EEFSEC: variants seen among roughly 807,000 people sequenced by gnomAD.
The protein encoded by EEFSEC is eukaryotic elongation factor, selenocysteine-tRNA specific.
In EEFSEC, 43 loss-of-function variants were observed where a neutral mutation model predicts 42.1. The observed-to-expected ratio is 1.02, with a 90% CI of 0.80 to 1.32. The LOEUF is 1.32. Ranked by LOEUF, EEFSEC falls within the 40% of genes most tolerant of loss-of-function variation. The pLI, the probability that EEFSEC is intolerant of heterozygous loss-of-function variation, is 0.00. For synonymous variants in EEFSEC, 354 were observed against 339.1 expected (o/e 1.04, Z -0.48); for missense variants, 745 against 803.6 (o/e 0.93, Z 0.88).
downstream of EEFSEC, among the ~76,000 whole-genome samples, chr3:128,412,875 G>A (rs1311808422): frequency 1.3e-5 from 2 of 152,176 alleles, no homozygotes; most frequent in Non-Finnish European, 2.9e-5. Context: ...TGCTCGGGGA[G>A]GTGATGGGGG....
chr3:128,223,090 A>C (rs1468497946), intron 1 of EEFSEC, among the ~76,000 whole-genome samples: 1 of 152,214 alleles, frequency 6.6e-6, no homozygotes, highest in Non-Finnish European at 1.5e-5. Context: ...CTAGTAATTC[A>C]ATCAGTCATA....
intron 4 of EEFSEC, among the ~76,000 whole-genome samples, chr3:128,301,332 A>C (rs1183198851): frequency 6.6e-6 from 1 of 152,130 alleles, no homozygotes; most frequent in Non-Finnish European, 1.5e-5. Context: ...TCCTACCCAT[A>C]TGTAAAAAGG....
intron 4 of EEFSEC, chr3:128,336,980 C>G (rs115929222): frequency 2.0e-5 from 3 of 152,092 alleles, no homozygotes; most frequent in Non-Finnish European, 2.9e-5. Flanking sequence ...AGCTGCGCCC[C>G]GTGGACATTA....
chr3:128,265,460 T>A lies in EEFSEC; in HGVS notation c.786+679T>A, dbSNP rs572559333. The stretch of plus-strand genomic sequence containing the variant: ...CTTATTTAGAAGGCATTTTTAATAG[T>A]TTTACTTTATGCGACAAGAGAAACT... On this transcript the variant is annotated intron_variant, in intron 4 of 6. Transcript: ENST00000254730. Among the ~76,000 whole-genome samples, 29 of 152,308 alleles carry A rather than the reference T, an allele frequency of 1.9e-4. No individual in the cohort carries two copies. The East Asian group carries it at 5.4e-3, about 28-fold the overall frequency.
At chr3:128,353,748 C>G (rs890906933) in intron 5 of EEFSEC, among the ~76,000 whole-genome samples, 1 of 152,214 alleles carries the variant, frequency 6.6e-6, no homozygotes, top group Non-Finnish European at 1.5e-5. Flanking sequence ...TGGATCCAGA[C>G]AGTCTGAGTT....
chr3:128,245,943 G>T (rs2066122332), intron 1 of EEFSEC, among the ~76,000 whole-genome samples: 1 of 152,038 alleles, frequency 6.6e-6, no homozygotes, highest in Non-Finnish European at 1.5e-5. Context: ...ACCATAATCC[G>T]ATCCCGAGAA....
intron 4 of EEFSEC, among the ~76,000 whole-genome samples, chr3:128,340,362 A>G (rs1366220746): frequency 6.7e-6 from 1 of 150,280 alleles, no homozygotes. Context: ...ATTAATGTAG[A>G]TTAATATTAT....
At chr3:128,407,731 G>C (rs570248150) in intron 6 of EEFSEC, among the ~76,000 whole-genome samples, 1 of 152,326 alleles carries the variant, frequency 6.6e-6, no homozygotes, top group African/African-American at 2.4e-5. Context: ...CAATCAGGGA[G>C]TACCCCACCC....
At chr3:128,247,337 G>A (rs1203127387) in intron 2 of EEFSEC, among the ~76,000 whole-genome samples, 2 of 152,234 alleles carry the variant, frequency 1.3e-5, no homozygotes, top group African/African-American at 4.8e-5. Flanking sequence ...TCTGTGCCCA[G>A]TGTGCAAGGC....
chr3:128,352,749 C>T (rs1352284366), intron 5 of EEFSEC, among the ~76,000 whole-genome samples: 1 of 152,252 alleles, frequency 6.6e-6, no homozygotes, highest in Non-Finnish European at 1.5e-5. Flanking sequence ...GCCAGACCAA[C>T]AACAACTGTT....
chr3:128,319,021 C>G (rs2066979211), intron 4 of EEFSEC, among the ~76,000 whole-genome samples: 1 of 152,220 alleles, frequency 6.6e-6, no homozygotes, highest in Non-Finnish European at 1.5e-5. Context: ...CAGGGTGCAA[C>G]ACATGAAGTT....
intron 2 of EEFSEC, among the ~76,000 whole-genome samples, chr3:128,247,510 T>A (rs2066140447): frequency 6.6e-6 from 1 of 152,208 alleles, no homozygotes; most frequent in Non-Finnish European, 1.5e-5. Flanking sequence ...AAGATCAATT[T>A]TGGTAGATGA....
At chr3:128,295,782 A>C (rs2066699168) in intron 4 of EEFSEC, among the ~76,000 whole-genome samples, 2 of 151,714 alleles carry the variant, frequency 1.3e-5, no homozygotes, top group Admixed American at 1.3e-4. Flanking sequence ...CTCCTCATTT[A>C]TGTGAGGGTC....
At chr3:128,171,292 G>GC (rs1375167860) in intron 1 of EEFSEC, among the ~76,000 whole-genome samples, 2 of 152,098 alleles carry the variant, frequency 1.3e-5, no homozygotes, top group Admixed American at 6.5e-5. Flanking sequence ...AAAAATTGCT[G>GC]CTTGCTATCT....
intron 6 of EEFSEC, among the ~76,000 whole-genome samples, chr3:128,376,406 G>A (rs551210466): frequency 1.3e-5 from 2 of 152,236 alleles, no homozygotes; most frequent in South Asian, 4.1e-4. Context: ...CCTTCCCAGG[G>A]CCCCGCAGCA....
intron 1 of EEFSEC, among the ~76,000 whole-genome samples, chr3:128,188,910 G>A (rs1203921418): frequency 6.6e-6 from 1 of 152,200 alleles, no homozygotes; most frequent in Admixed American, 6.5e-5. Flanking sequence ...GGGCTATTGT[G>A]TGCAAAGGAT....
intron 1 of EEFSEC, among the ~76,000 whole-genome samples, chr3:128,160,607 G>T (rs1483779666): frequency 6.6e-6 from 1 of 152,148 alleles, no homozygotes; most frequent in Non-Finnish European, 1.5e-5. Context: ...AGCTGCACCT[G>T]CACCTGGCAT....
intron 4 of EEFSEC, among the ~76,000 whole-genome samples, chr3:128,269,711 G>A (rs1473275535): frequency 2.0e-5 from 3 of 152,204 alleles, no homozygotes; most frequent in Non-Finnish European, 4.4e-5. Context: ...AGCTGAGCAA[G>A]AAAATGTTGG....
chr3:128,352,268 C>G (rs2067396826), intron 5 of EEFSEC, among the ~76,000 whole-genome samples: 1 of 152,242 alleles, frequency 6.6e-6, no homozygotes, highest in South Asian at 2.1e-4. Flanking sequence ...AATGTAGGAG[C>G]TGTCTCCCTC....
Sources: gnomAD v4.1 joint callset for allele counts (sites outside exome capture counted in the v4.1 genomes callset) on GRCh38, gnomAD v4.1.1 for gene constraint, MANE v1.5 for transcripts, NCBI Gene and HGNC (gene_info 2026-07-23, HGNC 2026-07-21) for gene names.